MAN1A2: variants seen among roughly 807,000 people sequenced by gnomAD.
MAN1A2 encodes the protein mannosyl-oligosaccharide 1,2-alpha-mannosidase IB.
A neutral mutation model predicts 75.7 loss-of-function variants in MAN1A2; 26 were observed. The observed-to-expected ratio is 0.34, with a 90% CI of 0.25 to 0.48. The LOEUF (loss-of-function observed/expected upper bound fraction) is 0.48. Among genes scored for constraint, MAN1A2 ranks in the 20% least tolerant of loss-of-function variants. The pLI is 0.99. For synonymous variants in MAN1A2, 247 were observed against 264.6 expected, an observed-to-expected ratio of 0.93 and a Z score of 0.65; for missense variants, 562 against 775.5, an observed-to-expected ratio of 0.72 and a Z score of 3.27.
At position 117,388,478 on chromosome 1, in the gene MAN1A2, T is replaced by C. The variant is rs191674549; in HGVS notation, c.303-13708T>C. Among the ~76,000 whole-genome samples the C allele has an allele frequency of 7.2e-4, 109 of 152,212 alleles. 1 individual carries two copies. Among genetic ancestry groups the C allele is most frequent in the African/African-American group, 2.6e-3 (108 of 41,532 alleles). ...CTATACAGGAAGTATGATGCCAACA[T>C]CTGCTTCTGAAGAGGCCCCAGGAAG... On this transcript the variant is annotated intron_variant, in intron 1 of 12. Transcript: ENST00000356554.
At chr1:117,442,681 CT>C (rs926836559) in intron 6 of MAN1A2, among the ~76,000 whole-genome samples, 1 of 152,102 alleles carries the variant, frequency 6.6e-6, no homozygotes, top group African/African-American at 2.4e-5. Context: ...CATCCTCCCT[CT>C]TTTTCTTTTT....
chr1:117,409,497 A>T (rs1162233852), intron 3 of MAN1A2, among the ~76,000 whole-genome samples: 1 of 148,900 alleles, frequency 6.7e-6, no homozygotes, highest in Non-Finnish European at 1.5e-5. Context: ...TGTCTTGGTG[A>T]ATTTTCCATT....
intron 12 of MAN1A2, among the ~76,000 whole-genome samples, chr1:117,503,913 A>G (rs534867320): frequency 4.0e-5 from 6 of 151,596 alleles, no homozygotes; most frequent in South Asian, 2.1e-4. Context: ...TTGTTTTCCT[A>G]TCTTTTTAGC....
chr1:117,523,116 C>A lies in MAN1A2; in HGVS notation c.*159C>A. ...ACTGTTCAACTTGTAGATACATCAA[C>A]TTTGAAATTATTCCATTTTATACCT... is the stretch of plus-strand genomic sequence containing the variant. On this transcript the variant is annotated 3_prime_UTR_variant, in exon 13 of 13. Coordinates refer to ENST00000356554, the MANE Select transcript of MAN1A2 (RefSeq NM_006699.5). 1.3e-6 allele frequency: 1 copy of A among 789,686 alleles called. No individual in the cohort carries two copies. The highest frequency in any genetic ancestry group is 2.2e-6 in the Non-Finnish European group (1 of 459,628). The allele number at this position is 789,686 out of a possible 1,614,324, so 48.9% of individuals were successfully genotyped here. A position where few individuals can be genotyped will look rare whatever the true frequency, so the allele number is the denominator to read the frequency against.
chr1:117,518,457 G>A (rs1383907825), intron 12 of MAN1A2, among the ~76,000 whole-genome samples: 2 of 151,690 alleles, frequency 1.3e-5, no homozygotes, highest in Non-Finnish European at 2.9e-5. Flanking sequence ...TCTTTTATGA[G>A]GTGAAACCAT....
At position 117,496,920 on chromosome 1, in the gene MAN1A2, G is replaced by T; in HGVS notation, c.1442G>T (p.Gly481Val). The change falls in exon 10 of 13, where the codon GGT (glycine) becomes GTT (valine). Residue 481 changes from glycine (G) to valine (V), a missense_variant. By Grantham distance (109) the Gly-to-Val change is moderately radical. Around this residue, in one of 2 missense-constraint regions of MAN1A2, gnomAD observed 434 missense variants for 645.7 expected, o/e 0.67. Transcript: ENST00000356554. Reference protein sequence around the residue: ...GADGSRADKAGHYLELGAEIA... With the variant: ...GADGSRADKAVHYLELGAEIA... ...GATGGTTCCAGAGCAGATAAAGCTGGTCATTATTTAGAGCTAGGGGCAGAA... is the reference window on the plus strand; with the variant it reads ...GATGGTTCCAGAGCAGATAAAGCTGTTCATTATTTAGAGCTAGGGGCAGAA... 6.2e-7 allele frequency: 1 copy of T among 1,612,472 alleles called. No homozygotes were observed. The highest frequency in any genetic ancestry group is 8.5e-7 in the Non-Finnish European group (1 of 1,179,118).
intron 8 of MAN1A2, among the ~76,000 whole-genome samples, chr1:117,475,700 T>C (rs1215441814): frequency 6.6e-6 from 1 of 152,158 alleles, no homozygotes; most frequent in Non-Finnish European, 1.5e-5. Context: ...GAACTCATCC[T>C]TTTTTATGGC....
At chr1:117,458,507 A>ATATATG (rs1553236618) in intron 6 of MAN1A2, among the ~76,000 whole-genome samples, 8 of 111,608 alleles carry the variant, frequency 7.2e-5, no homozygotes, top group African/African-American at 3.0e-4. Flanking sequence ...CTATATATAT[A>ATATATG]TATAGATATA....
chr1:117,522,810 C>T lies in MAN1A2; in HGVS notation c.1794-15C>T, dbSNP rs566316957. ...AATTCTAACTGAAGCTCATTTCTCC[C>T]CTTTTTATTTTCAGATATTTGTATC... is the stretch of plus-strand genomic sequence containing the variant. On this transcript the variant is annotated splice_polypyrimidine_tract_variant and intron_variant, in intron 12 of 12. Coordinates refer to ENST00000356554, the MANE Select transcript of MAN1A2 (RefSeq NM_006699.5). The T allele has an allele frequency of 6.2e-7, 1 of 1,607,816 alleles. No individual in the cohort carries two copies. Among genetic ancestry groups the T allele is most frequent in the East Asian group, 2.2e-5 (1 of 44,784 alleles).
chr1:117,509,273 A>C (rs1268351492), intron 12 of MAN1A2, among the ~76,000 whole-genome samples: 1 of 151,938 alleles, frequency 6.6e-6, no homozygotes, highest in African/African-American at 2.4e-5. Context: ...CTGTAAACAC[A>C]TGAAGAATGC....
intron 8 of MAN1A2, among the ~76,000 whole-genome samples, chr1:117,476,859 A>C (rs1469886063): frequency 1.3e-5 from 2 of 152,056 alleles, no homozygotes; most frequent in Non-Finnish European, 2.9e-5. Context: ...TTGGTTCCAT[A>C]TGAAATTTAA....
intron 6 of MAN1A2, among the ~76,000 whole-genome samples, chr1:117,445,894 A>ATATATATATG (rs1557953937): frequency 1.4e-4 from 20 of 144,088 alleles, no homozygotes; most frequent in Non-Finnish European, 2.7e-4. Flanking sequence ...GTATATATAT[A>ATATATATATG]TATATGTATA....
intron 1 of MAN1A2, among the ~76,000 whole-genome samples, chr1:117,400,205 C>T (rs950917451): frequency 4.6e-5 from 7 of 151,950 alleles, no homozygotes; most frequent in African/African-American, 9.7e-5. Flanking sequence ...CTGTAGGGCC[C>T]GTGGATTCTT....
chr1:117,463,522 C>G (rs1649890997), intron 7 of MAN1A2, among the ~76,000 whole-genome samples: 1 of 150,248 alleles, frequency 6.7e-6, no homozygotes, highest in Non-Finnish European at 1.5e-5. Context: ...CACACATACA[C>G]ACACACACAC....
chr1:117,420,383 A>C (rs1013935046), intron 4 of MAN1A2, among the ~76,000 whole-genome samples, 186 bp from the exon 5 acceptor site: 1 of 152,068 alleles, frequency 6.6e-6, no homozygotes, highest in African/African-American at 2.4e-5. Flanking sequence ...TGGTGACAGC[A>C]GTAGAGAAGT....
intron 1 of MAN1A2, among the ~76,000 whole-genome samples, chr1:117,377,552 C>A (rs753691913): frequency 3.9e-5 from 6 of 152,102 alleles, no homozygotes; most frequent in Non-Finnish European, 8.8e-5. Flanking sequence ...AATCAGTGCA[C>A]AAAGAAGTGT....
Position 117,368,462 on chromosome 1 carries a change from T to A in MAN1A2, c.279T>A (p.His93Gln). The A allele has an allele frequency of 6.2e-7, 1 of 1,612,000 alleles. No individual in the cohort carries two copies. The highest frequency in any genetic ancestry group is 8.5e-7 in the Non-Finnish European group (1 of 1,179,318). Residue 93 changes from histidine to glutamine, a missense_variant, in exon 1 of 13, where the codon CAT becomes CAA. Around this residue, in one of 2 missense-constraint regions of MAN1A2, gnomAD observed 128 missense variants for 129.8 expected, o/e 0.99. Transcript: ENST00000356554. Reference sequence around the variant, plus strand: ...AAAACCCCGGAGTCTTCCTGATCCATGGACCCGATGAACATAGACACAGGT... The same window carrying A: ...AAAACCCCGGAGTCTTCCTGATCCAAGGACCCGATGAACATAGACACAGGT... ...GAKNPGVFLI[H>Q]GPDEHRHREE...
chr1:117,464,245 G>A (rs534831067), intron 7 of MAN1A2, among the ~76,000 whole-genome samples: 1 of 151,922 alleles, frequency 6.6e-6, no homozygotes, highest in Admixed American at 6.6e-5. Context: ...GTACTCCCCA[G>A]CTACTTGGGA....
At chr1:117,387,032 TCAACAA>T (rs201782085) in intron 1 of MAN1A2, among the ~76,000 whole-genome samples, 1 of 151,580 alleles carries the variant, frequency 6.6e-6, no homozygotes, top group African/African-American at 2.4e-5. Context: ...CTCCTACAAC[TCAACAA>T]CAACAACAAA....
Sources: allele counts gnomAD v4.1 joint callset (sites outside exome capture counted in the v4.1 genomes callset), GRCh38; gene constraint gnomAD v4.1.1; regional missense constraint gnomAD v4.1.1; transcripts MANE v1.5; gene names NCBI Gene and HGNC (gene_info 2026-07-23, HGNC 2026-07-21).